IL1RAPL2: variants seen among roughly 807,000 people sequenced by gnomAD.
IL1RAPL2 encodes X-linked interleukin-1 receptor accessory protein-like 2.
Under a neutral mutation model 44.1 loss-of-function variants are expected in IL1RAPL2, and 3 were observed. The observed-to-expected ratio is 0.07, with a 90% CI of 0.03 to 0.18. The LOEUF is 0.18. Among genes scored for constraint, IL1RAPL2 ranks in the 10% least tolerant of loss-of-function variants. The pLI, the probability that IL1RAPL2 is intolerant of heterozygous loss-of-function variation, is 1.00. For missense variants in IL1RAPL2, 391 were observed against 496.4 expected, an observed-to-expected ratio of 0.79 and a Z score of 2.02; for synonymous variants, 181 against 178.8, an observed-to-expected ratio of 1.01 and a Z score of -0.10.
chrX:105,683,167 C>T (rs2037939817), intron 6 of IL1RAPL2, among the ~76,000 whole-genome samples: 1 of 111,443 alleles, frequency 9.0e-6, no homozygotes, highest in South Asian at 3.7e-4. Flanking sequence ...CGGGAAACAA[C>T]AACAATTACA....
At chrX:105,140,373 C>T (rs1415466696) in intron 2 of IL1RAPL2, among the ~76,000 whole-genome samples, 1 of 112,222 alleles carries the variant, frequency 8.9e-6, no homozygotes, top group African/African-American at 3.2e-5. Flanking sequence ...AGTGGAACAA[C>T]CAGCCTGGGA....
intron 5 of IL1RAPL2, among the ~76,000 whole-genome samples, chrX:105,386,395 C>G (rs991934119): frequency 9.0e-6 from 1 of 111,463 alleles, no homozygotes; most frequent in East Asian, 2.8e-4. Flanking sequence ...CTACGAGGTG[C>G]TTTTAAGTCT....
At chrX:104,969,773 T>A (rs1316038938) in intron 2 of IL1RAPL2, among the ~76,000 whole-genome samples, 1 of 112,006 alleles carries the variant, frequency 8.9e-6, no homozygotes, top group East Asian at 2.8e-4. Flanking sequence ...AGTTGTTTAA[T>A]TTGACATGTA....
intron 5 of IL1RAPL2, among the ~76,000 whole-genome samples, chrX:105,374,351 GT>G (rs1230252625): frequency 9.0e-6 from 1 of 110,642 alleles, no homozygotes; most frequent in Non-Finnish European, 1.9e-5. Flanking sequence ...TTTTAAAATA[GT>G]TTTTTTATTC....
chrX:104,836,979 G>A (rs1227678896), intron 2 of IL1RAPL2, among the ~76,000 whole-genome samples: 4 of 111,216 alleles, frequency 3.6e-5, no homozygotes, highest in Non-Finnish European at 7.5e-5. Context: ...TTATGAGTGA[G>A]AACATGCGGT....
intron 2 of IL1RAPL2, among the ~76,000 whole-genome samples, chrX:104,769,086 T>TA (rs1361595067): frequency 1.8e-5 from 2 of 111,464 alleles, no homozygotes; most frequent in Non-Finnish European, 3.8e-5. Context: ...ATGAGCAGGT[T>TA]AAAAAAATTA....
chrX:104,694,859 C>A (rs1931151322), intron 2 of IL1RAPL2, among the ~76,000 whole-genome samples: 1 of 111,978 alleles, frequency 8.9e-6, no homozygotes, highest in East Asian at 2.8e-4. Flanking sequence ...AAGGACTGGG[C>A]CAGCTACCCT....
At position 105,574,286 on chromosome X, in the gene IL1RAPL2, G is replaced by A. The variant is rs115878159; in HGVS notation, c.772+89899G>A. Among the ~76,000 whole-genome samples, 362 of 111,544 alleles carry A rather than the reference G, an allele frequency of 3.2e-3. 2 individuals are homozygous for A. Among genetic ancestry groups the A allele is most frequent in the African/African-American group, 0.011 (342 of 30,709 alleles). ...AAGACTGGAGAAGGTACTAGTTAGA[G>A]GAACTCTTAAGGGAGTGTTTCTTGA... On this transcript the variant is annotated intron_variant, in intron 6 of 10. Transcript: ENST00000372582.
chrX:105,368,931 GTCT>G (rs1331468732), intron 5 of IL1RAPL2, among the ~76,000 whole-genome samples: 1 of 108,651 alleles, frequency 9.2e-6, no homozygotes, highest in African/African-American at 3.3e-5. Context: ...CTGTCTTCCT[GTCT>G]TCTTCTGCTT....
intron 6 of IL1RAPL2, among the ~76,000 whole-genome samples, chrX:105,606,577 A>G (rs143090169): frequency 4.5e-5 from 5 of 111,675 alleles, no homozygotes; most frequent in African/African-American, 1.6e-4. Context: ...AAGGAAATCA[A>G]TGTATCAAAG....
At chrX:105,314,303 A>G (rs1473869090) in intron 5 of IL1RAPL2, among the ~76,000 whole-genome samples, 1 of 110,625 alleles carries the variant, frequency 9.0e-6, no homozygotes, top group East Asian at 2.8e-4. Context: ...AAAATCACTA[A>G]TATTGGTGGT....
intron 2 of IL1RAPL2, among the ~76,000 whole-genome samples, chrX:104,852,324 A>G (rs1196225232): frequency 1.8e-5 from 2 of 112,364 alleles, no homozygotes; most frequent in African/African-American, 6.5e-5. Context: ...TACAAGGATC[A>G]ATAACAAAGG....
chrX:105,001,977 C>T (rs1377017907), intron 2 of IL1RAPL2, among the ~76,000 whole-genome samples: 1 of 110,644 alleles, frequency 9.0e-6, no homozygotes. Context: ...TAATTGGGAC[C>T]AAAGTGAAAG....
chrX:104,926,382 A>G (rs1437608068), intron 2 of IL1RAPL2, among the ~76,000 whole-genome samples: 2 of 111,890 alleles, frequency 1.8e-5, no homozygotes, highest in African/African-American at 3.2e-5. Context: ...CTCTCTGAAA[A>G]TGTCTTTTTG....
At chrX:104,615,000 A>G (rs774957457) in intron 1 of IL1RAPL2, among the ~76,000 whole-genome samples, 1 of 111,458 alleles carries the variant, frequency 9.0e-6, no homozygotes, top group African/African-American at 3.3e-5. Context: ...TAATATTGAT[A>G]TAGGAGGTTT....
At chrX:104,580,436 T>C (rs769825529) in intron 1 of IL1RAPL2, among the ~76,000 whole-genome samples, 20 of 112,949 alleles carry the variant, frequency 1.8e-4, no homozygotes, top group Admixed American at 1.1e-3. Context: ...CATTAATTTA[T>C]AGTTTTGTGT....
chrX:105,171,258 C>T (rs757684163), intron 2 of IL1RAPL2, among the ~76,000 whole-genome samples: 2 of 111,162 alleles, frequency 1.8e-5, no homozygotes, highest in Non-Finnish European at 3.8e-5. Context: ...GGTATCCCCA[C>T]AGTGTCTCTA....
intron 6 of IL1RAPL2, among the ~76,000 whole-genome samples, chrX:105,505,851 A>G (rs2036427492): frequency 8.9e-6 from 1 of 112,065 alleles, no homozygotes; most frequent in South Asian, 3.7e-4. Context: ...CACCCAACCA[A>G]TTTTTATGAG....
At chrX:104,675,189 T>G (rs1180456602) in intron 2 of IL1RAPL2, among the ~76,000 whole-genome samples, 1 of 110,969 alleles carries the variant, frequency 9.0e-6, no homozygotes, top group Admixed American at 9.6e-5. Flanking sequence ...AATTGTGATG[T>G]TAGGGTGTCA....
Sources: gnomAD v4.1 joint callset for allele counts (sites outside exome capture counted in the v4.1 genomes callset) on GRCh38, gnomAD v4.1.1 for gene constraint, MANE v1.5 for transcripts, NCBI Gene and HGNC (gene_info 2026-07-23, HGNC 2026-07-21) for gene names.